ARHGAP42: variants seen among roughly 807,000 people sequenced by gnomAD.
ARHGAP42 encodes the protein Rho GTPase activating protein 42, also known as rho GTPase-activating protein 42.
Under a neutral mutation model 125.0 loss-of-function variants are expected in ARHGAP42, and 63 were observed. The ratio of observed to expected loss-of-function variants is 0.50; its 90% CI spans 0.41 to 0.62. The LOEUF (loss-of-function observed/expected upper bound fraction) is 0.62, where lower values mean the gene tolerates loss of function less well. Among genes scored for constraint, ARHGAP42 ranks in the 20% least tolerant of loss-of-function variants. The pLI is 0.00. For synonymous variants in ARHGAP42, 339 were observed against 351.0 expected, an observed-to-expected ratio of 0.97 and a Z score of 0.38; for missense variants, 766 against 1,024.2, an observed-to-expected ratio of 0.75 and a Z score of 3.44.
chr11:100,992,181 G>A lies in ARHGAP42; in HGVS notation c.*3380G>A. On this transcript the variant is annotated 3_prime_UTR_variant, in exon 24 of 24. Coordinates refer to ENST00000298815, the MANE Select transcript of ARHGAP42 (RefSeq NM_152432.4). ...AGTGATACCTTAAATCATGTATTCA[G>A]GATGCCTTCTTTAGCATTTAGAACC... is the stretch of plus-strand genomic sequence containing the variant. 1 of 1,001,962 alleles carries A rather than the reference G, an allele frequency of 1.0e-6. No homozygotes were observed. The highest frequency in any genetic ancestry group is 1.4e-6 in the Non-Finnish European group (1 of 695,382). The allele number at this position is 1,001,962 out of a possible 1,614,324, so 62.1% of individuals were successfully genotyped here.
intron 4 of ARHGAP42, among the ~76,000 whole-genome samples, chr11:100,910,126 C>T (rs1866869066): frequency 6.6e-6 from 1 of 152,104 alleles, no homozygotes; most frequent in Non-Finnish European, 1.5e-5. Context: ...TACTTTTCAC[C>T]AGCTAGAATT....
intron 3 of ARHGAP42, among the ~76,000 whole-genome samples, chr11:100,799,788 G>A (rs1863808722): frequency 6.6e-6 from 1 of 152,208 alleles, no homozygotes; most frequent in African/African-American, 2.4e-5. Flanking sequence ...CCAAAGGAAT[G>A]TTCTCATAGC....
chr11:100,725,663 C>T (rs1437203385), intron 1 of ARHGAP42, among the ~76,000 whole-genome samples: 1 of 151,346 alleles, frequency 6.6e-6, no homozygotes, highest in African/African-American at 2.4e-5. Flanking sequence ...GTGGCCCGGG[C>T]GCAGTGGCTC....
intron 4 of ARHGAP42, among the ~76,000 whole-genome samples, chr11:100,896,443 A>T (rs531206015): frequency 6.6e-6 from 1 of 150,698 alleles, no homozygotes; most frequent in East Asian, 2.0e-4. Context: ...GGTTGAACTA[A>T]TGCTTCCCAC....
intron 4 of ARHGAP42, among the ~76,000 whole-genome samples, chr11:100,897,333 G>A (rs555228234): frequency 3.0e-4 from 46 of 152,224 alleles, no homozygotes; most frequent in African/African-American, 1.1e-3. Flanking sequence ...TCTCTTTCTT[G>A]GTTCCATATG....
intron 3 of ARHGAP42, among the ~76,000 whole-genome samples, chr11:100,850,090 A>G (rs573137387): frequency 3.3e-5 from 5 of 152,300 alleles, no homozygotes; most frequent in African/African-American, 7.2e-5. Flanking sequence ...AAGAACAATC[A>G]TCATTATTCT....
intron 2 of ARHGAP42, among the ~76,000 whole-genome samples, chr11:100,775,409 A>G (rs1026457435): frequency 3.3e-5 from 5 of 152,192 alleles, no homozygotes; most frequent in African/African-American, 7.2e-5. Flanking sequence ...TCATTTAACT[A>G]TAATTACACA....
rs534392009 is a variant in ARHGAP42, at chr11:100,855,658, C to G, written c.313-3896C>G. Among the ~76,000 whole-genome samples the G allele has an allele frequency of 5.3e-5, 8 of 151,986 alleles. No individual in the cohort carries two copies. In the South Asian group the frequency reaches 1.7e-3, roughly 32 times the overall value. The stretch of plus-strand genomic sequence containing the variant: ...TTACTTTTGAATGATTTATGTGCAC[C>G]CCCTTGTGGCTATTTATTAGAACCA... On this transcript the variant is annotated intron_variant, in intron 3 of 23. Transcript: ENST00000298815.
chr11:100,739,579 A>C (rs977295882), intron 1 of ARHGAP42, among the ~76,000 whole-genome samples: 2 of 152,228 alleles, frequency 1.3e-5, no homozygotes, highest in African/African-American at 4.8e-5. Flanking sequence ...TAAATCTTTA[A>C]AACTATTTCT....
chr11:100,761,926 G>A (rs1862708009), intron 1 of ARHGAP42, among the ~76,000 whole-genome samples: 1 of 152,198 alleles, frequency 6.6e-6, no homozygotes, highest in Non-Finnish European at 1.5e-5. Context: ...TTTTGCACAT[G>A]AGGAGCTTAC....
chr11:100,905,254 A>C (rs573094057), intron 4 of ARHGAP42, among the ~76,000 whole-genome samples: 2 of 152,246 alleles, frequency 1.3e-5, no homozygotes, highest in Non-Finnish European at 2.9e-5. Flanking sequence ...GACAAATGGG[A>C]ATCAATAGCT....
chr11:100,754,251 T>A (rs145461387), intron 1 of ARHGAP42, among the ~76,000 whole-genome samples: 1 of 152,206 alleles, frequency 6.6e-6, no homozygotes, highest in African/African-American at 2.4e-5. Flanking sequence ...GTTTTTACCA[T>A]TCATTGTAAA....
At chr11:100,902,545 A>G (rs1866581202) in intron 4 of ARHGAP42, among the ~76,000 whole-genome samples, 2 of 152,166 alleles carry the variant, frequency 1.3e-5, no homozygotes, top group African/African-American at 4.8e-5. Context: ...TTTTATATAC[A>G]TCTTAGGACT....
intron 3 of ARHGAP42, among the ~76,000 whole-genome samples, chr11:100,823,344 C>G (rs1248197913): frequency 6.6e-6 from 1 of 152,172 alleles, no homozygotes; most frequent in East Asian, 1.9e-4. Flanking sequence ...AATCCACCTT[C>G]TTTTCCTCAG....
intron 3 of ARHGAP42, among the ~76,000 whole-genome samples, chr11:100,851,636 A>G (rs1228295916): frequency 6.6e-6 from 1 of 152,204 alleles, no homozygotes; most frequent in East Asian, 1.9e-4. Flanking sequence ...TTCTACTTAT[A>G]ATGAAGTTAA....
chr11:100,842,962 A>G (rs1338278692), intron 3 of ARHGAP42, among the ~76,000 whole-genome samples: 2 of 152,134 alleles, frequency 1.3e-5, no homozygotes, highest in African/African-American at 4.8e-5. Flanking sequence ...GAAAATAACC[A>G]AGATCAGAGC....
chr11:100,950,504 A>C (rs1281092924), intron 12 of ARHGAP42, among the ~76,000 whole-genome samples: 14 of 151,732 alleles, frequency 9.2e-5, no homozygotes, highest in Admixed American at 9.2e-4. Context: ...AGAATGTAAA[A>C]TATAAGGACC....
At chr11:100,877,894 A>G (rs1300427074) in intron 4 of ARHGAP42, among the ~76,000 whole-genome samples, 1 of 151,002 alleles carries the variant, frequency 6.6e-6, no homozygotes, top group Non-Finnish European at 1.5e-5. Context: ...AATCCCAGCT[A>G]CTCGAGAGGC....
intron 12 of ARHGAP42, among the ~76,000 whole-genome samples, chr11:100,952,523 A>T (rs544388): frequency 0.88 from 134,122 of 152,028 alleles, 59,257 homozygotes; most frequent in East Asian, 1. Flanking sequence ...TTATTGAAAA[A>T]TACACTTATT....
Sources: allele counts gnomAD v4.1 joint callset (sites outside exome capture counted in the v4.1 genomes callset), GRCh38; gene constraint gnomAD v4.1.1; transcripts MANE v1.5; gene names NCBI Gene and HGNC (gene_info 2026-07-23, HGNC 2026-07-21).